Variants in GRK5 observed in about 807,000 individuals in gnomAD.
GRK5 encodes the protein G protein-coupled receptor kinase 5, also known as g protein-coupled receptor kinase GRK5.
A neutral mutation model predicts 78.4 loss-of-function variants in GRK5; 40 were observed. The ratio of observed to expected loss-of-function variants is 0.51; its 90% CI spans 0.40 to 0.66. The LOEUF is 0.66. Among genes scored for constraint, GRK5 ranks in the 30% least tolerant of loss-of-function variants. The pLI, the probability that GRK5 is intolerant of heterozygous loss-of-function variation, is 0.00. For synonymous variants in GRK5, 289 were observed against 296.8 expected, an observed-to-expected ratio of 0.97 and a Z score of 0.27; for missense variants, 598 against 759.9, an observed-to-expected ratio of 0.79 and a Z score of 2.50.
At chr10:119,408,199 G>A (rs975118608) in intron 4 of GRK5, among the ~76,000 whole-genome samples, 2 of 150,486 alleles carry the variant, frequency 1.3e-5, no homozygotes, top group African/African-American at 2.4e-5. Flanking sequence ...AATTAGGTGG[G>A]TATGGTGGCG....
rs1180638097 is a variant in GRK5, at chr10:119,455,271, C to T, written c.*204C>T. 1.4e-6 allele frequency: 1 copy of T among 698,746 alleles called. No homozygotes were observed. The highest frequency in any genetic ancestry group is 2.0e-5 in the Admixed American group (1 of 49,802). The allele number at this position is 698,746 out of a possible 1,614,324, so 43.3% of individuals were successfully genotyped here. A position where few individuals can be genotyped will look rare whatever the true frequency, so the allele number is the denominator to read the frequency against. The stretch of plus-strand genomic sequence containing the variant: ...GGTCTGTTTTCCGAGGCGGCCCCGG[C>T]CGGGGTGGATTGGATTTGTCTTTGG... On this transcript the variant is annotated 3_prime_UTR_variant, in exon 16 of 16. Transcript: ENST00000392870.
chr10:119,429,544 G>C (rs1038879413), intron 6 of GRK5, among the ~76,000 whole-genome samples: 2 of 150,114 alleles, frequency 1.3e-5, no homozygotes, highest in Non-Finnish European at 3.0e-5. Context: ...CAACTAGATA[G>C]GACCATGTCT....
At chr10:119,254,187 G>T (rs1849245033) in intron 1 of GRK5, among the ~76,000 whole-genome samples, 1 of 151,980 alleles carries the variant, frequency 6.6e-6, no homozygotes, top group South Asian at 2.1e-4. Flanking sequence ...TACTTGAGTT[G>T]TAGGGGGCCT....
intron 1 of GRK5, among the ~76,000 whole-genome samples, chr10:119,310,478 T>G (rs1265065041): frequency 6.6e-6 from 1 of 152,204 alleles, no homozygotes; most frequent in Non-Finnish European, 1.5e-5. Context: ...GTGGCCAGAC[T>G]TTTCTCAACT....
chr10:119,242,813 C>T (rs1013798074), intron 1 of GRK5, among the ~76,000 whole-genome samples: 1 of 151,990 alleles, frequency 6.6e-6, no homozygotes, highest in Admixed American at 6.6e-5. Context: ...TGTCTTGCTT[C>T]CCCTTTGCCT....
chr10:119,280,636 A>G (rs1305689516), intron 1 of GRK5, among the ~76,000 whole-genome samples: 1 of 152,200 alleles, frequency 6.6e-6, no homozygotes, highest in African/African-American at 2.4e-5. Context: ...TCTTGGGACT[A>G]TACCTAGAAT....
chr10:119,221,756 A>G (rs1032363228), intron 1 of GRK5, among the ~76,000 whole-genome samples: 1 of 152,156 alleles, frequency 6.6e-6, no homozygotes, highest in Non-Finnish European at 1.5e-5. Context: ...AATTTGTGAA[A>G]TAGGCTTCAG....
chr10:119,216,691 G>A (rs906668373), intron 1 of GRK5, among the ~76,000 whole-genome samples: 2 of 152,146 alleles, frequency 1.3e-5, no homozygotes, highest in South Asian at 2.1e-4. Context: ...GGTGGCTCAC[G>A]CCTGTAATCC....
intron 1 of GRK5, among the ~76,000 whole-genome samples, chr10:119,219,583 G>A (rs937802855): frequency 6.6e-6 from 1 of 152,134 alleles, no homozygotes; most frequent in African/African-American, 2.4e-5. Flanking sequence ...TGGCCTTGGG[G>A]TCACAATAGA....
chr10:119,370,008 C>T (rs898625102), intron 2 of GRK5, among the ~76,000 whole-genome samples: 2 of 152,170 alleles, frequency 1.3e-5, no homozygotes, highest in African/African-American at 4.8e-5. Flanking sequence ...CACTGCCGGA[C>T]TCTGGCAGCT....
chr10:119,313,302 GTGA>G lies in GRK5; in HGVS notation c.53-13208_53-13206del, dbSNP rs756033203. On this transcript the variant is annotated intron_variant, in intron 1 of 15. Transcript: ENST00000392870. ...GATGGGGATGGTGGTAATGGTGGTG[GTGA>G]TGATGGTGGTGGCAATGGCAGTGGT... 1.2e-4 allele frequency among the ~76,000 whole-genome samples: 18 copies of G among 151,042 alleles called. No homozygotes were observed. The East Asian group carries it at 1.4e-3, about 11-fold the overall frequency.
chr10:119,211,232 G>GA (rs1213235426), intron 1 of GRK5, among the ~76,000 whole-genome samples: 5 of 152,198 alleles, frequency 3.3e-5, no homozygotes, highest in Non-Finnish European at 7.4e-5. Flanking sequence ...AGTGCTTAAG[G>GA]AAAAAAAGAA....
chr10:119,219,616 A>C (rs1042074672), intron 1 of GRK5, among the ~76,000 whole-genome samples: 2 of 152,198 alleles, frequency 1.3e-5, no homozygotes, highest in African/African-American at 4.8e-5. Context: ...ATACGATTCA[A>C]CATGGTTAAG....
chr10:119,455,056 G>A lies in GRK5; in HGVS notation c.1762G>A (p.Gly588Arg), dbSNP rs375507983. 3.7e-6 allele frequency: 6 copies of A among 1,613,474 alleles called. No homozygotes were observed. The highest frequency in any genetic ancestry group is 2.2e-5 in the East Asian group (1 of 44,884). Residue 588 changes from glycine to arginine, a missense_variant, in exon 16 of 16, where the codon GGA becomes AGA. By Grantham distance (125) the Gly-to-Arg change is moderately radical. Transcript: ENST00000392870. ...NSNHVSSNST[G>R]SS ...AAACCATGTCAGCTCGAACTCCACC[G>A]GAAGCAGCTAGTTTCGGCTCTGGCC...
intron 3 of GRK5, among the ~76,000 whole-genome samples, chr10:119,391,038 A>C (rs1278764819): frequency 6.6e-6 from 1 of 152,200 alleles, no homozygotes; most frequent in East Asian, 1.9e-4. Flanking sequence ...GCCAGGCCAC[A>C]ATTCACAAGC....
At chr10:119,220,838 A>AT (rs59710103) in intron 1 of GRK5, among the ~76,000 whole-genome samples, 3 of 138,232 alleles carry the variant, frequency 2.2e-5, no homozygotes, top group Non-Finnish European at 3.1e-5. Flanking sequence ...AAAAAAAAAA[A>AT]TTTGCAAAGG....
At chr10:119,424,950 T>C (rs1852643810) in intron 5 of GRK5, 43 bp from the exon 6 acceptor site, 1 of 1,374,640 alleles carries the variant, frequency 7.3e-7, no homozygotes, top group Non-Finnish European at 1.0e-6. Flanking sequence ...TGCTTGAAGA[T>C]CGGGATTATA....
rs1469440905 is a variant in GRK5, at chr10:119,412,074, C to T, written c.340-11092C>T. On this transcript the variant is annotated intron_variant, in intron 4 of 15. Coordinates refer to ENST00000392870, the MANE Select transcript of GRK5 (RefSeq NM_005308.3). This position sits in a 1 kb window ranked among gnomAD's most constrained non-coding sequence, Gnocchi z 4.3. ...TCATGTTGGCCAGGCTGGTCTCGAA[C>T]TCCTGACCTCAGGTGATCCACCTCC... 6.6e-6 allele frequency among the ~76,000 whole-genome samples: 1 copy of T among 152,090 alleles called. No homozygotes were observed. The highest frequency in any genetic ancestry group is 1.5e-5 in the Non-Finnish European group (1 of 68,010).
intron 2 of GRK5, 116 bp downstream of exon 2, chr10:119,326,727 G>A: frequency 1.3e-6 from 1 of 746,646 alleles, no homozygotes; most frequent in Non-Finnish European, 2.4e-6. Flanking sequence ...TGAGGCAAAT[G>A]CCAATCAGTG....
Sources: allele counts gnomAD v4.1 joint callset (sites outside exome capture counted in the v4.1 genomes callset), GRCh38; gene constraint gnomAD v4.1.1; non-coding constraint Gnocchi (gnomAD v3.1); transcripts MANE v1.5; gene names NCBI Gene and HGNC (gene_info 2026-07-23, HGNC 2026-07-21).